Variants in DCDC2 observed in about 807,000 individuals in gnomAD.
DCDC2 encodes doublecortin domain containing 2, also known as doublecortin domain-containing protein 2.
Under a neutral mutation model 50.2 loss-of-function variants are expected in DCDC2, and 40 were observed. The observed-to-expected ratio is 0.80, with a 90% CI of 0.62 to 1.04. DCDC2 has a LOEUF of 1.04. DCDC2 is among the 50% of genes least tolerant of loss of function. The pLI is 0.00. For missense variants in DCDC2, 570 were observed against 581.9 expected (o/e 0.98, Z 0.21); for synonymous variants, 234 against 210.6 (o/e 1.11, Z -0.96).
chr6:24,198,421 T>C (rs1761496697), intron 8 of DCDC2, among the ~76,000 whole-genome samples: 1 of 152,120 alleles, frequency 6.6e-6, no homozygotes, highest in African/African-American at 2.4e-5. Context: ...CTCACTCCCC[T>C]AGCCAAGGGA....
chr6:24,255,885 T>C (rs1008840751), intron 7 of DCDC2, among the ~76,000 whole-genome samples: 6 of 152,064 alleles, frequency 3.9e-5, no homozygotes, highest in Admixed American at 6.6e-5. Flanking sequence ...ATGCAAATCA[T>C]GTGGCCCAGC....
At chr6:24,233,185 G>A (rs756291230) in intron 7 of DCDC2, among the ~76,000 whole-genome samples, 27 of 152,144 alleles carry the variant, frequency 1.8e-4, no homozygotes, top group Non-Finnish European at 2.8e-4. Flanking sequence ...TATACTGTTA[G>A]GTTCATTTCC....
Position 24,179,690 on chromosome 6 carries a change from T to C in DCDC2, c.1024-1058A>G, listed in dbSNP as rs183404800. Among the ~76,000 whole-genome samples, 377 of 138,556 alleles carry C rather than the reference T, an allele frequency of 2.7e-3. 10 individuals carry two copies. The highest frequency in any genetic ancestry group is 1.4e-3 in the East Asian group (6 of 4,374). The allele number at this position is 138,556 out of a possible 152,430, so 90.9% of individuals were successfully genotyped here. The stretch of plus-strand genomic sequence containing the variant: ...GAACAGGAGGCCAGGCACGGTGGCT[T>C]ATGCCTGTAATCCCAGCACTTTGGG... On this transcript the variant is annotated intron_variant, in intron 8 of 9. Transcript: ENST00000378454.
chr6:24,222,690 C>T (rs1216086062), intron 7 of DCDC2, among the ~76,000 whole-genome samples: 2 of 152,000 alleles, frequency 1.3e-5, no homozygotes, highest in African/African-American at 4.8e-5. Flanking sequence ...TTAGATGTTC[C>T]TAAAGCTTAT....
chr6:24,284,203 A>G (rs934929778), intron 6 of DCDC2, among the ~76,000 whole-genome samples: 4 of 152,154 alleles, frequency 2.6e-5, no homozygotes, highest in Non-Finnish European at 5.9e-5. Context: ...CACTGCGGCC[A>G]CCTAGCGGAC....
chr6:24,264,310 A>G (rs984940576), intron 7 of DCDC2, among the ~76,000 whole-genome samples: 5 of 152,212 alleles, frequency 3.3e-5, no homozygotes, highest in African/African-American at 1.2e-4. Context: ...TTCACTGGTA[A>G]TAGTAAGTAG....
intron 8 of DCDC2, among the ~76,000 whole-genome samples, chr6:24,193,447 AAAATG>A (rs1343347564): frequency 2.6e-5 from 4 of 152,214 alleles, no homozygotes; most frequent in Non-Finnish European, 5.9e-5. Flanking sequence ...AGAAAAAAAT[AAAATG>A]AAGATTTCAG....
chr6:24,196,849 A>G (rs1488151128), intron 8 of DCDC2, among the ~76,000 whole-genome samples: 1 of 152,222 alleles, frequency 6.6e-6, no homozygotes, highest in Non-Finnish European at 1.5e-5. Flanking sequence ...GCAGATCACC[A>G]TTGTGGGCTG....
intron 1 of DCDC2, 82 bp downstream of exon 1, chr6:24,357,376 G>A: frequency 6.9e-7 from 1 of 1,459,798 alleles, no homozygotes; most frequent in Non-Finnish European, 9.1e-7. Context: ...GAGGTGTGGG[G>A]GGGTAGGGAT....
intron 7 of DCDC2, among the ~76,000 whole-genome samples, chr6:24,230,201 C>T (rs145105837): frequency 2.5e-3 from 388 of 152,292 alleles, no homozygotes; most frequent in Non-Finnish European, 3.9e-3. Context: ...AAGCCAAAAT[C>T]ACTGGTCTCA....
At chr6:24,232,921 C>A (rs1487159393) in intron 7 of DCDC2, among the ~76,000 whole-genome samples, 1 of 152,000 alleles carries the variant, frequency 6.6e-6, no homozygotes, top group African/African-American at 2.4e-5. Flanking sequence ...TTCCTAGGAA[C>A]AACCTGGCAA....
At chr6:24,254,617 A>G (rs940966052) in intron 7 of DCDC2, among the ~76,000 whole-genome samples, 4 of 152,066 alleles carry the variant, frequency 2.6e-5, no homozygotes, top group Non-Finnish European at 4.4e-5. Context: ...TTTATTTATA[A>G]TTTTTTTACA....
At chr6:24,315,222 C>T (rs1759639950) in intron 2 of DCDC2, among the ~76,000 whole-genome samples, 1 of 150,186 alleles carries the variant, frequency 6.7e-6, no homozygotes, top group African/African-American at 2.5e-5. Flanking sequence ...CCAGATAATG[C>T]ATGTTTCTGT....
At chr6:24,178,136 C>T (rs1760967432) in intron 9 of DCDC2, among the ~76,000 whole-genome samples, 194 bp downstream of exon 9, 1 of 152,148 alleles carries the variant, frequency 6.6e-6, no homozygotes, top group African/African-American at 2.4e-5. Flanking sequence ...CACAAACTGT[C>T]AGGTCAATGG....
At chr6:24,330,321 G>A (rs963071977) in intron 2 of DCDC2, among the ~76,000 whole-genome samples, 6 of 152,136 alleles carry the variant, frequency 3.9e-5, no homozygotes, top group African/African-American at 7.2e-5. Flanking sequence ...ACTTCTACAC[G>A]TACTGTTCCA....
chr6:24,179,964 A>ATAAT (rs1554142619), intron 8 of DCDC2, among the ~76,000 whole-genome samples: 6 of 147,294 alleles, frequency 4.1e-5, no homozygotes, highest in African/African-American at 1.5e-4. Flanking sequence ...AAAAAAAAAA[A>ATAAT]AAAAAAACAA....
At chr6:24,263,215 T>C (rs984636696) in intron 7 of DCDC2, among the ~76,000 whole-genome samples, 5 of 152,130 alleles carry the variant, frequency 3.3e-5, no homozygotes, top group Non-Finnish European at 7.4e-5. Context: ...ACCAAAGACT[T>C]AGATTACAAC....
chr6:24,194,015 T>C (rs77956487), intron 8 of DCDC2, among the ~76,000 whole-genome samples: 186 of 152,224 alleles, frequency 1.2e-3, no homozygotes, highest in Non-Finnish European at 2.3e-3. Context: ...AAATCATTTT[T>C]AAAATAATTT....
the DCDC2 span, among the ~76,000 whole-genome samples, chr6:24,368,446 A>G: frequency 6.6e-6 from 1 of 152,234 alleles, no homozygotes; most frequent in Non-Finnish European, 1.5e-5. Context: ...ATCAAAAGAA[A>G]TTAGTGGGAA....
Sources: allele counts gnomAD v4.1 joint callset (sites outside exome capture counted in the v4.1 genomes callset), GRCh38; gene constraint gnomAD v4.1.1; transcripts MANE v1.5; gene names NCBI Gene and HGNC (gene_info 2026-07-23, HGNC 2026-07-21).